GALNT18: variants seen among roughly 807,000 people sequenced by gnomAD.
GALNT18 encodes the protein GalNAc-transferase 18.
GALNT18 carries 44 observed loss-of-function variants against 69.5 expected under a neutral mutation model. That is an observed-to-expected ratio of 0.63 (90% CI 0.50 to 0.81). The LOEUF is 0.81. Ranked by LOEUF, GALNT18 falls within the 40% of genes least tolerant of loss-of-function variation. The pLI is 0.00. For missense variants in GALNT18, 715 were observed against 810.0 expected (o/e 0.88, Z 1.42); for synonymous variants, 364 against 318.2 (o/e 1.14, Z -1.53).
rs906623316 is a variant in GALNT18 at position 11,521,302 on chromosome 11, A to G, written c.236-72366T>C. On this transcript the variant is annotated intron_variant, in intron 1 of 10. Transcript: ENST00000227756. ...AACTAGCAAACATTTTTAAATTACA[A>G]GAAAGGTAAAACCTTGGAAAGTCTG... 9.8e-5 allele frequency among the ~76,000 whole-genome samples: 15 copies of G among 152,306 alleles called. No individual in the cohort carries two copies. In the East Asian group the frequency reaches 1.4e-3, roughly 14 times the overall value.
intron 1 of GALNT18, among the ~76,000 whole-genome samples, chr11:11,515,396 A>G (rs1857251875): frequency 6.6e-6 from 1 of 152,126 alleles, no homozygotes; most frequent in Non-Finnish European, 1.5e-5. Flanking sequence ...CCTAGGTCAC[A>G]CACCTGTGAC....
In GALNT18 at chr11:11,423,087, C is replaced by T. The variant is rs774102577; in HGVS notation, c.595+9534G>A. ...CTGCGTAAGTGCGCACACACAGGTC[C>T]GCATCCACCCACAAGCACACTCACA... is the stretch of plus-strand genomic sequence containing the variant. On this transcript the variant is annotated intron_variant, in intron 3 of 10. Coordinates refer to ENST00000227756, the MANE Select transcript of GALNT18 (RefSeq NM_198516.3). 7.9e-5 allele frequency among the ~76,000 whole-genome samples: 12 copies of T among 152,192 alleles called. 1 individual carries two copies. In the South Asian group the frequency reaches 1.5e-3, roughly 18 times the overall value.
chr11:11,553,310 G>A (rs961589699), intron 1 of GALNT18, among the ~76,000 whole-genome samples: 2 of 152,182 alleles, frequency 1.3e-5, no homozygotes, highest in African/African-American at 4.8e-5. Context: ...CCCACCTGCT[G>A]CAGGATTTCA....
chr11:11,536,877 C>T (rs776352801), intron 1 of GALNT18, among the ~76,000 whole-genome samples: 4 of 152,146 alleles, frequency 2.6e-5, no homozygotes, highest in Admixed American at 6.5e-5. Context: ...AATGTTAAGG[C>T]AAAAAAGAAC....
At chr11:11,434,349 T>C (rs2133797690) in intron 2 of GALNT18, among the ~76,000 whole-genome samples, 1 of 152,282 alleles carries the variant, frequency 6.6e-6, no homozygotes, top group East Asian at 1.9e-4. Context: ...TTGCATTTAA[T>C]GGAATAAATA....
At chr11:11,343,265 T>C (rs1017090428) in intron 6 of GALNT18, among the ~76,000 whole-genome samples, 1 of 151,954 alleles carries the variant, frequency 6.6e-6, no homozygotes, top group African/African-American at 2.4e-5. Flanking sequence ...GGAGGATCGC[T>C]TGAGCCCAGG....
rs137985997 is a variant in GALNT18 at position 11,471,760 on chromosome 11, T to C, written c.236-22824A>G. On this transcript the variant is annotated intron_variant, in intron 1 of 10. Transcript: ENST00000227756. ...CAGCAAGAAAATAAGGTAGGCAGGA[T>C]AGAAATTCTGTAGTACTTTTCTGAT... Among the ~76,000 whole-genome samples, 168 of 152,358 alleles carry C rather than the reference T, an allele frequency of 1.1e-3. 4 individuals carry two copies. Among genetic ancestry groups the C allele is most frequent in the African/African-American group, 3.9e-3 (162 of 41,592 alleles).
intron 6 of GALNT18, among the ~76,000 whole-genome samples, chr11:11,354,796 C>T (rs942873856): frequency 6.6e-6 from 1 of 152,136 alleles, no homozygotes; most frequent in African/African-American, 2.4e-5. Context: ...GGCATCTCAA[C>T]CTTACCATGT....
At chr11:11,365,417 T>C (rs1053092793) in intron 6 of GALNT18, among the ~76,000 whole-genome samples, 1 of 152,240 alleles carries the variant, frequency 6.6e-6, no homozygotes, top group South Asian at 2.1e-4. Context: ...TTGGGTTGGT[T>C]CCATGTCTTT....
Position 11,413,503 on chromosome 11 carries a change from T to G in GALNT18, c.595+19118A>C, listed in dbSNP as rs925808804. Among the ~76,000 whole-genome samples, 6 of 152,168 alleles carry G rather than the reference T, an allele frequency of 3.9e-5. No individual in the cohort carries two copies. Among genetic ancestry groups the G allele is most frequent in the African/African-American group, 1.2e-4 (5 of 41,426 alleles). ...GCTCCCTCAGGCCCCTTAACAACAT[T>G]AGACTGCAATTTCAGGTTTATATAA... On this transcript the variant is annotated intron_variant, in intron 3 of 10. Transcript: ENST00000227756. This position sits in a 1 kb window ranked among gnomAD's most constrained non-coding sequence, Gnocchi z 4.7.
rs1474988193 is a variant in GALNT18 at position 11,396,042 on chromosome 11, C to T, written c.596-16778G>A. Among the ~76,000 whole-genome samples the T allele has an allele frequency of 6.6e-6, 1 of 152,160 alleles. No individual in the cohort carries two copies. The highest frequency in any genetic ancestry group is 1.9e-4 in the East Asian group (1 of 5,194). On this transcript the variant is annotated intron_variant, in intron 3 of 10. Coordinates refer to ENST00000227756, the MANE Select transcript of GALNT18 (RefSeq NM_198516.3). The surrounding 1 kb of genome is among the most constrained non-coding windows in gnomAD (Gnocchi z 5.2). ...GGAGAGGTGCCATTTTCCTGGGGTA[C>T]AGCTGAGCCTTACCCAGCAACAACC...
At chr11:11,286,580 G>C (rs1849199376) in intron 10 of GALNT18, among the ~76,000 whole-genome samples, 1 of 152,054 alleles carries the variant, frequency 6.6e-6, no homozygotes, top group Non-Finnish European at 1.5e-5. Flanking sequence ...CACAAACCTA[G>C]CTCAAGACCT....
intron 3 of GALNT18, among the ~76,000 whole-genome samples, chr11:11,392,686 C>T (rs1010368932): frequency 3.3e-5 from 5 of 152,192 alleles, no homozygotes; most frequent in Non-Finnish European, 5.9e-5. Context: ...TAGCACTTGG[C>T]ACAGGTTCTG....
intron 6 of GALNT18, among the ~76,000 whole-genome samples, chr11:11,353,665 CCCAGT>C (rs1374529298): frequency 6.6e-6 from 1 of 152,128 alleles, no homozygotes. Context: ...ATTAGCATGT[CCCAGT>C]CAGATTCAAA....
intron 1 of GALNT18, among the ~76,000 whole-genome samples, chr11:11,478,846 G>C (rs1295460824): frequency 2.0e-5 from 3 of 151,082 alleles, no homozygotes; most frequent in African/African-American, 7.3e-5. Context: ...GCACTGAAGA[G>C]AGATGGGGGC....
chr11:11,292,641 A>C (rs115294411), intron 10 of GALNT18, among the ~76,000 whole-genome samples: 2,804 of 152,228 alleles, frequency 0.018, 81 homozygotes, highest in African/African-American at 0.064. Flanking sequence ...AGAAACGTGA[A>C]GGTTTAAAGT....
chr11:11,514,362 A>G (rs943023314), intron 1 of GALNT18, among the ~76,000 whole-genome samples: 5 of 152,288 alleles, frequency 3.3e-5, no homozygotes, highest in Admixed American at 2.0e-4. Context: ...TTTCCTTTAC[A>G]CAGCAGAATT....
Position 11,318,403 on chromosome 11 carries a change from C to T in GALNT18, c.1512+8683G>A, listed in dbSNP as rs1276906141. On this transcript the variant is annotated intron_variant, in intron 9 of 10. Transcript: ENST00000227756. This position sits in a 1 kb window ranked among gnomAD's most constrained non-coding sequence, Gnocchi z 5.1. ...TAAAAAGGGGCAATTTGGACACAGA[C>T]GCACATACTGATAATGCCATGTGAA... 6.6e-6 allele frequency among the ~76,000 whole-genome samples: 1 copy of T among 152,138 alleles called. No individual in the cohort carries two copies. Among genetic ancestry groups the T allele is most frequent in the Middle Eastern group, 3.2e-3 (1 of 316 alleles).
intron 1 of GALNT18, among the ~76,000 whole-genome samples, chr11:11,572,774 G>A (rs114694390): frequency 0.019 from 2,905 of 152,290 alleles, 93 homozygotes; most frequent in African/African-American, 0.065. Context: ...AGAAGCAGGC[G>A]CCAGCTTCTG....
Sources: gnomAD v4.1 joint callset for allele counts (sites outside exome capture counted in the v4.1 genomes callset) on GRCh38, gnomAD v4.1.1 for gene constraint, Gnocchi (gnomAD v3.1) non-coding constraint, MANE v1.5 for transcripts, NCBI Gene and HGNC (gene_info 2026-07-23, HGNC 2026-07-21) for gene names.